NRXN3: variants seen among roughly 807,000 people sequenced by gnomAD.
NRXN3 encodes the protein neurexin 3, also known as neurexin III.
A neutral mutation model predicts 137.6 loss-of-function variants in NRXN3; 32 were observed. The ratio of observed to expected loss-of-function variants is 0.23; its 90% CI spans 0.18 to 0.31. The LOEUF (loss-of-function observed/expected upper bound fraction) is 0.31. Ranked by LOEUF, NRXN3 falls within the 10% of genes least tolerant of loss-of-function variation. NRXN3 has a pLI of 1.00. For missense variants in NRXN3, 1,574 were observed against 2,062.5 expected (o/e 0.76, Z 4.59); for synonymous variants, 798 against 784.5 (o/e 1.02, Z -0.29).
intron 4 of NRXN3, among the ~76,000 whole-genome samples, chr14:78,637,018 T>A (rs2097573384): frequency 1.3e-5 from 2 of 152,128 alleles, no homozygotes; most frequent in Admixed American, 1.3e-4. Context: ...ATCTTAGGAA[T>A]GTCTCCTGGC....
intron 15 of NRXN3, among the ~76,000 whole-genome samples, chr14:79,252,777 T>C (rs1458462016): frequency 6.6e-6 from 1 of 152,180 alleles, no homozygotes; most frequent in Non-Finnish European, 1.5e-5. Context: ...ATTTTTCCAC[T>C]CACTTGTGGA....
chr14:79,693,617 A>G (rs886371556), intron 18 of NRXN3, among the ~76,000 whole-genome samples: 1 of 151,784 alleles, frequency 6.6e-6, no homozygotes, highest in Non-Finnish European at 1.5e-5. Flanking sequence ...ATTTTACTCC[A>G]TTGCCTTTTA....
intron 15 of NRXN3, among the ~76,000 whole-genome samples, chr14:79,388,099 T>TA (rs1948762290): frequency 7.5e-6 from 1 of 132,640 alleles, no homozygotes; most frequent in East Asian, 2.0e-4. Context: ...ACTTAAAGTA[T>TA]AATAAAAAAA....
chr14:78,246,121 G>A (rs60276367), intron 2 of NRXN3, among the ~76,000 whole-genome samples: 13,598 of 152,224 alleles, frequency 0.089, 1,139 homozygotes, highest in East Asian at 0.27. Context: ...GTGTTTGCAA[G>A]TGTGTTGTTA....
intron 8 of NRXN3, among the ~76,000 whole-genome samples, chr14:78,715,570 G>A (rs925773207): frequency 3.3e-5 from 5 of 152,148 alleles, no homozygotes; most frequent in Non-Finnish European, 7.3e-5. Context: ...TATGGAGCTT[G>A]CTGCCTAGTG....
At chr14:78,428,065 A>T (rs943425607) in intron 4 of NRXN3, among the ~76,000 whole-genome samples, 1 of 152,240 alleles carries the variant, frequency 6.6e-6, no homozygotes, top group Non-Finnish European at 1.5e-5. Context: ...TGATTTGTTT[A>T]AAAATATAAG....
chr14:78,438,088 T>C (rs1033880432), intron 4 of NRXN3, among the ~76,000 whole-genome samples: 4 of 152,078 alleles, frequency 2.6e-5, no homozygotes, highest in South Asian at 2.1e-4. Flanking sequence ...ATTCTTTGGA[T>C]GTTTTATAGT....
chr14:79,473,405 A>C (rs770583548), intron 16 of NRXN3, among the ~76,000 whole-genome samples: 1 of 152,134 alleles, frequency 6.6e-6, no homozygotes, highest in Non-Finnish European at 1.5e-5. Context: ...CATCTATTGC[A>C]TTTATAAATT....
intron 6 of NRXN3, among the ~76,000 whole-genome samples, chr14:78,670,327 G>A (rs547143506): frequency 1.1e-4 from 16 of 152,290 alleles, no homozygotes; most frequent in African/African-American, 3.1e-4. Flanking sequence ...ACATACGTGT[G>A]CATGTGTCTT....
chr14:78,625,381 A>G (rs1010409005), intron 4 of NRXN3, among the ~76,000 whole-genome samples: 2 of 152,224 alleles, frequency 1.3e-5, no homozygotes, highest in Non-Finnish European at 2.9e-5. Context: ...AACCAACACT[A>G]TGCTTTTGCA....
chr14:78,879,072 A>G (rs10130442), intron 10 of NRXN3, among the ~76,000 whole-genome samples: 19,320 of 152,200 alleles, frequency 0.13, 3,402 homozygotes, highest in African/African-American at 0.4. Context: ...GGTTGTGTAC[A>G]TATACCATGT....
chr14:78,579,898 C>T (rs1213218142), intron 4 of NRXN3, among the ~76,000 whole-genome samples: 4 of 152,196 alleles, frequency 2.6e-5, no homozygotes, highest in Non-Finnish European at 5.9e-5. Flanking sequence ...TCCAGCTCCT[C>T]ACTTAACCTC....
At chr14:78,649,968 C>T (rs1379636061) in intron 5 of NRXN3, among the ~76,000 whole-genome samples, 1 of 152,158 alleles carries the variant, frequency 6.6e-6, no homozygotes. Context: ...TCATTTTCCT[C>T]CTCATTACTA....
chr14:78,596,178 C>A (rs111717885), intron 4 of NRXN3, among the ~76,000 whole-genome samples: 2,823 of 152,262 alleles, frequency 0.019, 89 homozygotes, highest in African/African-American at 0.064. Flanking sequence ...TGGCTGCCCT[C>A]GGGGTTACTT....
At chr14:78,785,056 T>C (rs770450878) in intron 8 of NRXN3, among the ~76,000 whole-genome samples, 27 of 152,238 alleles carry the variant, frequency 1.8e-4, no homozygotes, top group Non-Finnish European at 3.1e-4. Context: ...TATGATTAGA[T>C]TGGTTTTAGA....
intron 10 of NRXN3, among the ~76,000 whole-genome samples, chr14:78,862,165 T>C (rs2099074125): frequency 6.6e-6 from 1 of 152,118 alleles, no homozygotes; most frequent in Non-Finnish European, 1.5e-5. Context: ...GAGACCTTTC[T>C]AGTTGGTGAC....
At chr14:78,943,615 A>ATAT (rs2099357759) in intron 10 of NRXN3, among the ~76,000 whole-genome samples, 5 of 42,486 alleles carry the variant, frequency 1.2e-4, no homozygotes, top group Non-Finnish European at 2.3e-4. Flanking sequence ...ACTGTTAAAA[A>ATAT]AAAAAAATAT....
chr14:78,267,632 C>T (rs1260683902), intron 2 of NRXN3, among the ~76,000 whole-genome samples: 2 of 151,322 alleles, frequency 1.3e-5, no homozygotes, highest in African/African-American at 4.9e-5. Context: ...CAGCTGTACT[C>T]TAGCTTGAGT....
At chr14:79,067,315 C>A (rs1239252404) in intron 15 of NRXN3, among the ~76,000 whole-genome samples, 1 of 152,094 alleles carries the variant, frequency 6.6e-6, no homozygotes, top group Non-Finnish European at 1.5e-5. Context: ...GTGATGAAGC[C>A]AACTTGATCG....
Sources: allele counts gnomAD v4.1 joint callset (sites outside exome capture counted in the v4.1 genomes callset), GRCh38; gene constraint gnomAD v4.1.1; transcripts MANE v1.5; gene names NCBI Gene and HGNC (gene_info 2026-07-23, HGNC 2026-07-21).